The following DPP9 variants were observed in gnomAD, a reference collection of about 807,000 sequenced individuals.
DPP9 encodes the protein dipeptidyl peptidase 9, also known as dipeptidyl peptidase IV-related protein-2.
A neutral mutation model predicts 110.7 loss-of-function variants in DPP9; 50 were observed. That is an observed-to-expected ratio of 0.45 (90% CI 0.36 to 0.57). DPP9 has a LOEUF of 0.57. DPP9 is among the 20% of genes least tolerant of loss of function. The pLI, the probability that DPP9 is intolerant of heterozygous loss-of-function variation, is 0.00. For missense variants in DPP9, 1,022 were observed against 1,217.9 expected, an observed-to-expected ratio of 0.84 and a Z score of 2.39; for synonymous variants, 561 against 514.4, an observed-to-expected ratio of 1.09 and a Z score of -1.23.
Position 4,679,910 on chromosome 19 carries a change from G to T in DPP9, c.2511C>A (p.Asp837Glu). ...TTGTGTGGAAAAAGTGCACGTTTTC[G>T]TCCAGGAAGCCGTGGAGGATAAGCA... ...NRLLILHGFL[D>E]ENVHFFHTNF... Residue 837 changes from aspartate to glutamate, a missense_variant, in exon 21 of 22, where the codon GAC (aspartate) becomes GAA (glutamate). This residue lies in a region of DPP9 where 209 missense variants were observed against 280.4 expected (regional missense o/e 0.75). Transcript: ENST00000262960. 1 of 1,613,368 alleles carries T rather than the reference G, an allele frequency of 6.2e-7. No individual in the cohort carries two copies. The highest frequency in any genetic ancestry group is 8.5e-7 in the Non-Finnish European group (1 of 1,179,778).
chr19:4,676,579 T>C lies in DPP9; in HGVS notation c.2664A>G (p.Leu888=), dbSNP rs1203081795. 6.2e-7 allele frequency: 1 copy of C among 1,603,678 alleles called. No individual in the cohort carries two copies. Among genetic ancestry groups the C allele is most frequent in the Non-Finnish European group, 8.5e-7 (1 of 1,175,376 alleles). The change falls in exon 22 of 22, where the codon CTA becomes CTG. Residue 888 remains leucine, a synonymous_variant. Transcript: ENST00000262960. The surrounding 1 kb of genome is among the most constrained non-coding windows in gnomAD (Gnocchi z 4.0). ...EHYEVTLLHF[L]QEYL The stretch of plus-strand genomic sequence containing the variant: ...GTGGGCAGGCTCAGAGGTATTCCTG[T>C]AGAAAGTGCAGCAACGTGACTTCAT...
intron 18 of DPP9, 104 bp from the exon 19 acceptor site, chr19:4,683,733 A>G (rs750701515): frequency 8.1e-6 from 13 of 1,608,566 alleles, no homozygotes; most frequent in South Asian, 6.6e-5. Flanking sequence ...TCTTGGATGA[A>G]AAGTGGCTCG....
Position 4,681,347 on chromosome 19 carries a change from G to A in DPP9, c.2474+1349C>T, listed in dbSNP as rs113935190. Among the ~76,000 whole-genome samples, 590 of 152,140 alleles carry A rather than the reference G, an allele frequency of 3.9e-3. 6 individuals are homozygous for A. The highest frequency in any genetic ancestry group is 0.013 in the African/African-American group (555 of 41,514). ...TTATTATTTTTTGAGACAGAGTCTCGCTCTGTTGCCCAGGCTGGAGTGCAG... is the reference window on the plus strand; with the variant it reads ...TTATTATTTTTTGAGACAGAGTCTCACTCTGTTGCCCAGGCTGGAGTGCAG... On this transcript the variant is annotated intron_variant, in intron 20 of 21. Transcript: ENST00000262960.
chr19:4,706,253 T>G (rs971745751), intron 4 of DPP9, among the ~76,000 whole-genome samples: 2 of 150,286 alleles, frequency 1.3e-5, no homozygotes, highest in Non-Finnish European at 3.0e-5. Context: ...TCCCAGCACT[T>G]TGGGAGGCCG....
chr19:4,709,061 G>C (rs1337416197), intron 4 of DPP9, among the ~76,000 whole-genome samples: 1 of 152,182 alleles, frequency 6.6e-6, no homozygotes, highest in Non-Finnish European at 1.5e-5. Flanking sequence ...GGGATTACAG[G>C]AGCACAACAC....
In DPP9 at chr19:4,695,466, T is replaced by C. The variant is rs773673931; in HGVS notation, c.1265A>G (p.Glu422Gly). The C allele has an allele frequency of 1.3e-6, 2 of 1,585,408 alleles. No individual in the cohort carries two copies. Among genetic ancestry groups the C allele is most frequent in the Admixed American group, 1.8e-5 (1 of 56,408 alleles). ...PALFIPSTEN[E>G]EQRLASARAV... The stretch of plus-strand genomic sequence containing the variant: ...TCTGGCAGAGGCTAGCCGCTGCTCC[T>C]CATTCTCTGTGCTCGGGATGAACAG... The change falls in exon 12 of 22, where the codon GAG (glutamate) becomes GGG (glycine). Residue 422 changes from glutamate (E) to glycine (G), a missense_variant. Around this residue, in one of 3 missense-constraint regions of DPP9, gnomAD observed 810 missense variants for 920.6 expected, o/e 0.88. Transcript: ENST00000262960. This position sits in a 1 kb window ranked among gnomAD's most constrained non-coding sequence, Gnocchi z 4.7.
At chr19:4,691,499 A>C (rs926915272) in intron 13 of DPP9, among the ~76,000 whole-genome samples, 5 of 150,790 alleles carry the variant, frequency 3.3e-5, no homozygotes, top group African/African-American at 1.2e-4. Flanking sequence ...AAAACAAAAA[A>C]CAGGAAGAGA....
At position 4,684,140 on chromosome 19, in the gene DPP9, A is replaced by T; in HGVS notation, c.2179-511T>A. ...CATGGGGCCCACTCATGTGAATGGG[A>T]TGAGGGGCCCTTATAAAAGGGCCTG... On this transcript the variant is annotated intron_variant, in intron 18 of 21. Coordinates refer to ENST00000262960, the MANE Select transcript of DPP9 (RefSeq NM_139159.5). This position sits in a 1 kb window ranked among gnomAD's most constrained non-coding sequence, Gnocchi z 4.8. 3.5e-6 allele frequency: 1 copy of T among 289,042 alleles called. No homozygotes were observed. 17.9% of individuals were successfully genotyped at this position (289,042 alleles called of 1,614,324 possible). A position where few individuals can be genotyped will look rare whatever the true frequency, so the allele number is the denominator to read the frequency against.
rs553216948 is a variant in DPP9 at position 4,718,816 on chromosome 19, T to G, written c.56+1035A>C. On this transcript the variant is annotated intron_variant, in intron 3 of 21. Coordinates refer to ENST00000262960, the MANE Select transcript of DPP9 (RefSeq NM_139159.5). This position sits in a 1 kb window ranked among gnomAD's most constrained non-coding sequence, Gnocchi z 4.3. ...CCGTCTTCCCCGGTCCATTCTTCAA[T>G]TCCCTTCCCAGCTGAGCATGCTCCA... 6.6e-6 allele frequency among the ~76,000 whole-genome samples: 1 copy of G among 152,290 alleles called. No individual in the cohort carries two copies. The highest frequency in any genetic ancestry group is 2.1e-4 in the South Asian group (1 of 4,824).
At chr19:4,677,752 T>C (rs1420109099) in intron 21 of DPP9, among the ~76,000 whole-genome samples, 3 of 152,170 alleles carry the variant, frequency 2.0e-5, no homozygotes, top group Admixed American at 6.5e-5. Flanking sequence ...CATATGCACA[T>C]GTTGTGCCCA....
Position 4,695,572 on chromosome 19 carries a change from G to A in DPP9, c.1176-17C>T, listed in dbSNP as rs1381313433. The A allele has an allele frequency of 1.0e-5, 15 of 1,453,472 alleles. No homozygotes were observed. The highest frequency in any genetic ancestry group is 5.8e-5 in the South Asian group (4 of 68,422). 90.0% of individuals were successfully genotyped at this position (1,453,472 alleles called of 1,614,324 possible). On this transcript the variant is annotated splice_polypyrimidine_tract_variant and intron_variant, in intron 11 of 21. Transcript: ENST00000262960. This position sits in a 1 kb window ranked among gnomAD's most constrained non-coding sequence, Gnocchi z 4.7. ...GCCCAGGCGCTAAGGGGGAAGATGC[G>A]GGGGAAGATGAGAGGGAAGCTGGGA...
chr19:4,701,906 C>A, intron 9 of DPP9, 121 bp downstream of exon 9: 1 of 1,395,340 alleles, frequency 7.2e-7, no homozygotes, highest in Non-Finnish European at 9.7e-7. Context: ...TTCTACACCC[C>A]CATAGATGCC....
chr19:4,676,560 A>G lies in DPP9; in HGVS notation c.*4T>C. 1 of 1,587,634 alleles carries G rather than the reference A, an allele frequency of 6.3e-7. No individual in the cohort carries two copies. Among genetic ancestry groups the G allele is most frequent in the Non-Finnish European group, 8.6e-7 (1 of 1,167,948 alleles). On this transcript the variant is annotated 3_prime_UTR_variant, in exon 22 of 22. Coordinates refer to ENST00000262960, the MANE Select transcript of DPP9 (RefSeq NM_139159.5). The surrounding 1 kb of genome is among the most constrained non-coding windows in gnomAD (Gnocchi z 4.0). ...TGTGATGTGGCGGCTCCCGGTGGGCAGGCTCAGAGGTATTCCTGTAGAAAG... is the reference window on the plus strand; with the variant it reads ...TGTGATGTGGCGGCTCCCGGTGGGCGGGCTCAGAGGTATTCCTGTAGAAAG...
chr19:4,713,690 C>T (rs757033254), intron 4 of DPP9, among the ~76,000 whole-genome samples: 3 of 152,232 alleles, frequency 2.0e-5, no homozygotes, highest in Non-Finnish European at 2.9e-5. Context: ...TCAGTCCAGT[C>T]CTGTTTGTCA....
At chr19:4,696,346 G>A (rs2145619360) in intron 11 of DPP9, among the ~76,000 whole-genome samples, 1 of 152,174 alleles carries the variant, frequency 6.6e-6, no homozygotes, top group African/African-American at 2.4e-5. Context: ...TAGAGTGGGT[G>A]CCTGGGCTCA....
At chr19:4,686,318 ATTTTTTTTTT>A (rs397859631) in intron 16 of DPP9, among the ~76,000 whole-genome samples, 3 of 105,640 alleles carry the variant, frequency 2.8e-5, no homozygotes, top group Non-Finnish European at 4.1e-5. Flanking sequence ...CTCGAACTGT[ATTTTTTTTTT>A]TTTTTTTTTG....
At chr19:4,702,253 G>A (rs767567531) in intron 8 of DPP9, 98 bp from the exon 9 acceptor site, 19 of 1,447,322 alleles carry the variant, frequency 1.3e-5, no homozygotes, top group Non-Finnish European at 1.7e-5. Flanking sequence ...CTGAAGATGG[G>A]CACCGAGGGC....
chr19:4,700,260 T>C lies in DPP9; in HGVS notation c.1030A>G (p.Ile344Val), dbSNP rs764734047. Residue 344 changes from isoleucine to valine, a missense_variant, in exon 10 of 22, where the codon ATT (isoleucine) becomes GTT (valine). Physicochemically the swap from Ile to Val is conservative, Grantham distance 29. Coordinates refer to ENST00000262960, the MANE Select transcript of DPP9 (RefSeq NM_139159.5). The surrounding 1 kb of genome is among the most constrained non-coding windows in gnomAD (Gnocchi z 4.3). ...YPRTGSKNPK[I>V]ALKLAEFQTD... ...TGGAACTCAGCCAGTTTCAAGGCAA[T>C]CTTGGGATTCTTGCTGCCTGCAAAA... 4 of 1,596,192 alleles carry C rather than the reference T, an allele frequency of 2.5e-6. No homozygotes were observed. The highest frequency in any genetic ancestry group is 3.4e-6 in the Non-Finnish European group (4 of 1,168,900).
intron 21 of DPP9, chr19:4,679,559 T>G: frequency 2.2e-6 from 1 of 459,936 alleles, no homozygotes; most frequent in Non-Finnish European, 3.9e-6. Flanking sequence ...CCTCCCTCCA[T>G]TAGGCCCGGA....
Sources: gnomAD v4.1 joint callset for allele counts (sites outside exome capture counted in the v4.1 genomes callset) on GRCh38, gnomAD v4.1.1 for gene constraint, gnomAD v4.1.1 regional missense constraint, Gnocchi (gnomAD v3.1) non-coding constraint, MANE v1.5 for transcripts, NCBI Gene and HGNC (gene_info 2026-07-23, HGNC 2026-07-21) for gene names.